Variants in USP24 observed in about 807,000 individuals in gnomAD.
The protein encoded by USP24 is ubiquitin specific peptidase 24, also known as ubiquitin carboxyl-terminal hydrolase 24.
In USP24, 97 loss-of-function variants were observed where a neutral mutation model predicts 361.6. That is an observed-to-expected ratio of 0.27 (90% CI 0.23 to 0.32). The LOEUF (loss-of-function observed/expected upper bound fraction) is 0.32, where lower values mean the gene tolerates loss of function less well. Among genes scored for constraint, USP24 ranks in the 10% least tolerant of loss-of-function variants. USP24 has a pLI of 1.00. For synonymous variants in USP24, 1,098 were observed against 1,124.6 expected (o/e 0.98, Z 0.47); for missense variants, 2,353 against 3,165.6 (o/e 0.74, Z 6.16).
intron 56 of USP24, 79 bp from the exon 57 acceptor site, chr1:55,083,967 A>AC: frequency 1.7e-6 from 2 of 1,143,952 alleles, no homozygotes; most frequent in Non-Finnish European, 2.5e-6. Flanking sequence ...TTTGAGGTAA[A>AC]CCACCATAAG....
At chr1:55,156,840 G>T (rs556078717) in intron 12 of USP24, 108 bp downstream of exon 12, 1 of 770,358 alleles carries the variant, frequency 1.3e-6, no homozygotes, top group Non-Finnish European at 2.2e-6. Context: ...CAGCTGCTCT[G>T]TTTAAAGCAA....
At chr1:55,079,806 A>AGAGTACTCACACC in intron 59 of USP24, 147 bp from the exon 60 acceptor site, 3 of 1,037,042 alleles carry the variant, frequency 2.9e-6, no homozygotes, top group Non-Finnish European at 3.9e-6. Flanking sequence ...GTACTCACAC[A>AGAGTACTCACACC]CTGAGTACTC....
At chr1:55,198,627 TCCGGG>T (rs1318185154) in intron 1 of USP24, among the ~76,000 whole-genome samples, 2 of 152,156 alleles carry the variant, frequency 1.3e-5, no homozygotes, top group Admixed American at 1.3e-4. Flanking sequence ...GTGTAATGCC[TCCGGG>T]GTGGGATGAC....
chr1:55,187,287 G>A (rs949768051), intron 1 of USP24, among the ~76,000 whole-genome samples: 6 of 152,016 alleles, frequency 3.9e-5, no homozygotes, highest in Admixed American at 1.3e-4. Flanking sequence ...AAATAAAGGG[G>A]AACTTCCTCA....
intron 19 of USP24, among the ~76,000 whole-genome samples, chr1:55,146,379 A>G (rs1647029741): frequency 6.6e-6 from 1 of 152,210 alleles, no homozygotes; most frequent in African/African-American, 2.4e-5. Flanking sequence ...TACAACAGGC[A>G]CTATGCTGGG....
intron 64 of USP24, 175 bp from the exon 65 acceptor site, chr1:55,073,036 T>TC (rs1644952107): frequency 3.3e-6 from 2 of 613,422 alleles, no homozygotes; most frequent in Non-Finnish European, 5.6e-6. Context: ...TACAATTGCT[T>TC]CCCCCAGGGG....
In USP24 at chr1:55,185,684, C is replaced by T. The variant is rs140827418; in HGVS notation, c.325-7552G>A. Among the ~76,000 whole-genome samples the T allele has an allele frequency of 3.8e-3, 576 of 152,170 alleles. 5 individuals are homozygous for T. Among genetic ancestry groups the T allele is most frequent in the African/African-American group, 0.013 (539 of 41,540 alleles). On this transcript the variant is annotated intron_variant, in intron 1 of 67. Coordinates refer to ENST00000294383, the MANE Select transcript of USP24 (RefSeq NM_015306.3). ...CAAGCAAACCTCCCATTTCAGCCTC[C>T]TGAGTAGCTGGGACCACAGAAGCAC...
At chr1:55,078,414 T>C (rs1181922654) in intron 61 of USP24, 124 bp downstream of exon 61, 1 of 558,874 alleles carries the variant, frequency 1.8e-6, no homozygotes, top group Non-Finnish European at 2.9e-6. Context: ...GAGCCTATAC[T>C]AGAATGATTA....
intron 10 of USP24, among the ~76,000 whole-genome samples, chr1:55,157,903 C>T (rs1647853845): frequency 6.6e-6 from 1 of 151,834 alleles, no homozygotes; most frequent in South Asian, 2.1e-4. Flanking sequence ...TGCTAATTGG[C>T]TCAGGGATGA....
chr1:55,176,512 G>A (rs1236786729), intron 2 of USP24, 69 bp from the exon 3 acceptor site: 4 of 1,378,944 alleles, frequency 2.9e-6, no homozygotes, highest in East Asian at 5.0e-5. Flanking sequence ...TAAAATGAAT[G>A]AAATAATACA....
Position 55,099,876 on chromosome 1 carries a change from A to G in USP24, c.5272-7T>C. ...TATTCCACATCTTGAAAATCTATAT[A>G]ACAAAAATTAAATGTTTTTAAAGGA... On this transcript the variant is annotated splice_polypyrimidine_tract_variant and splice_region_variant and intron_variant, in intron 44 of 67. Transcript: ENST00000294383. 8 of 1,535,714 alleles carry G rather than the reference A, an allele frequency of 5.2e-6. No individual in the cohort carries two copies. The highest frequency in any genetic ancestry group is 7.0e-6 in the Non-Finnish European group (8 of 1,138,398).
chr1:55,076,318 A>G (rs1490448224), intron 62 of USP24, among the ~76,000 whole-genome samples: 1 of 152,238 alleles, frequency 6.6e-6, no homozygotes, highest in Non-Finnish European at 1.5e-5. Context: ...TCCTATCCCT[A>G]AGGAGCAATA....
At chr1:55,137,458 C>T in intron 28 of USP24, 57 bp downstream of exon 28, 2 of 1,559,944 alleles carry the variant, frequency 1.3e-6, no homozygotes, top group Admixed American at 1.9e-5. Flanking sequence ...AGAGTCAGAA[C>T]AAAAAGACAG....
intron 50 of USP24, 54 bp from the exon 51 acceptor site, chr1:55,095,450 T>G: frequency 6.6e-7 from 1 of 1,519,194 alleles, no homozygotes; most frequent in Non-Finnish European, 8.8e-7. Context: ...TTTCTTGTCT[T>G]GACAATCTAA....
chr1:55,156,924 C>A, intron 12 of USP24, 24 bp downstream of exon 12: 2 of 1,577,928 alleles, frequency 1.3e-6, no homozygotes, highest in Non-Finnish European at 8.7e-7. Flanking sequence ...TAGCCAAAGG[C>A]AAAAATAATT....
At chr1:55,187,368 T>C (rs1157557448) in intron 1 of USP24, among the ~76,000 whole-genome samples, 1 of 152,218 alleles carries the variant, frequency 6.6e-6, no homozygotes, top group Non-Finnish European at 1.5e-5. Context: ...CTGAATGCTT[T>C]TCTCTAGATC....
chr1:55,120,573 G>A, intron 38 of USP24, 23 bp downstream of exon 38: 1 of 1,534,498 alleles, frequency 6.5e-7, no homozygotes, highest in Non-Finnish European at 8.8e-7. Context: ...TATAAGGTTA[G>A]CTTTTCCATT....
chr1:55,214,565 CCT>C (rs1194276874), intron 1 of USP24, among the ~76,000 whole-genome samples: 1 of 152,078 alleles, frequency 6.6e-6, no homozygotes, highest in Admixed American at 6.5e-5. Flanking sequence ...TCCCTAATTC[CCT>C]TTCACACGCC....
At chr1:55,153,988 CT>C in intron 15 of USP24, 71 bp from the exon 16 acceptor site, 2 of 1,547,206 alleles carry the variant, frequency 1.3e-6, no homozygotes, top group Non-Finnish European at 1.7e-6. Context: ...CGATCTTGGA[CT>C]TTAAGGTAAG....
Sources: gnomAD v4.1 joint callset for allele counts (sites outside exome capture counted in the v4.1 genomes callset) on GRCh38, gnomAD v4.1.1 for gene constraint, MANE v1.5 for transcripts, NCBI Gene and HGNC (gene_info 2026-07-23, HGNC 2026-07-21) for gene names.